The following TAOK1 variants were observed in gnomAD, a reference collection of about 807,000 sequenced individuals.
The protein encoded by TAOK1 is serine/threonine-protein kinase TAO1.
Under a neutral mutation model 138.3 loss-of-function variants are expected in TAOK1, and 21 were observed. The observed-to-expected ratio is 0.15, with a 90% CI of 0.11 to 0.22. TAOK1 has a LOEUF of 0.22. TAOK1 is among the 10% of genes least tolerant of loss of function. TAOK1 has a pLI of 1.00. For synonymous variants in TAOK1, 361 were observed against 398.4 expected, an observed-to-expected ratio of 0.91 and a Z score of 1.12; for missense variants, 651 against 1,227.7, an observed-to-expected ratio of 0.53 and a Z score of 7.02.
intron 1 of TAOK1, among the ~76,000 whole-genome samples, chr17:29,413,906 A>C (rs1437535426): frequency 3.1e-5 from 3 of 97,320 alleles, no homozygotes; most frequent in Non-Finnish European, 5.6e-5. Context: ...TTTTTTTGAG[A>C]TGGAGTTGCT....
At chr17:29,510,337 A>G (rs2031699384) in intron 14 of TAOK1, among the ~76,000 whole-genome samples, 1 of 152,202 alleles carries the variant, frequency 6.6e-6, no homozygotes, top group Admixed American at 6.5e-5. Context: ...AGCTCGTGCC[A>G]CTGCACTGCA....
chr17:29,488,658 A>G (rs1213625781), intron 8 of TAOK1, among the ~76,000 whole-genome samples: 2 of 151,546 alleles, frequency 1.3e-5, no homozygotes, highest in African/African-American at 4.8e-5. Flanking sequence ...AAATATTTTC[A>G]GTCTATGGTT....
chr17:29,444,317 T>C (rs193005669), intron 1 of TAOK1, among the ~76,000 whole-genome samples: 2 of 152,354 alleles, frequency 1.3e-5, no homozygotes, highest in East Asian at 3.9e-4. Context: ...TTAGTTTACA[T>C]TGACAGCTCT....
At chr17:29,518,760 T>C (rs7209300) in intron 16 of TAOK1, among the ~76,000 whole-genome samples, 33,496 of 134,600 alleles carry the variant, frequency 0.25, 4,421 homozygotes, top group East Asian at 0.69. Context: ...CTTTATCTAT[T>C]TATTTATTTA....
chr17:29,544,659 G>T lies in TAOK1; in HGVS notation c.*1637G>T, dbSNP rs959922178. ...GTTTTCCATTTCTTGTATATAAATT[G>T]TGTTGGAGGTGGGTAGGAAGCTGTG... On this transcript the variant is annotated 3_prime_UTR_variant, in exon 20 of 20. Transcript: ENST00000261716. 5 of 152,200 alleles carry T rather than the reference G, an allele frequency of 3.3e-5. No individual in the cohort carries two copies. The highest frequency in any genetic ancestry group is 9.7e-5 in the African/African-American group (4 of 41,450). 9.4% of individuals were successfully genotyped at this position (152,200 alleles called of 1,614,324 possible).
intron 10 of TAOK1, among the ~76,000 whole-genome samples, chr17:29,494,778 A>G (rs138559215): frequency 0.015 from 2,295 of 149,524 alleles, 57 homozygotes; most frequent in African/African-American, 0.052. Context: ...GTGAGCCGCA[A>G]TCGCGCCACT....
chr17:29,421,454 T>C (rs1905443095), intron 1 of TAOK1, among the ~76,000 whole-genome samples: 1 of 152,212 alleles, frequency 6.6e-6, no homozygotes, highest in Admixed American at 6.5e-5. Context: ...AGTTGATAAA[T>C]GTTTATATGC....
At chr17:29,398,603 A>C (rs113051428) in intron 1 of TAOK1, among the ~76,000 whole-genome samples, 2 of 143,168 alleles carry the variant, frequency 1.4e-5, no homozygotes, top group East Asian at 2.1e-4. Flanking sequence ...GATCTCGGCT[A>C]ACTGCAACCT....
chr17:29,447,985 T>TA (rs2030136708), intron 1 of TAOK1, among the ~76,000 whole-genome samples: 1 of 144,368 alleles, frequency 6.9e-6, no homozygotes, highest in Admixed American at 7.0e-5. Flanking sequence ...TTTTAATTCT[T>TA]ACAGATGTAC....
intron 1 of TAOK1, among the ~76,000 whole-genome samples, chr17:29,397,787 A>G (rs978365913): frequency 1.3e-5 from 2 of 148,630 alleles, no homozygotes; most frequent in African/African-American, 2.5e-5. Flanking sequence ...ATTCGTGTGT[A>G]TATATGTATA....
intron 1 of TAOK1, among the ~76,000 whole-genome samples, chr17:29,435,096 A>G (rs937523237): frequency 4.6e-5 from 7 of 151,706 alleles, no homozygotes; most frequent in Admixed American, 2.6e-4. Flanking sequence ...TGGGCATCCT[A>G]TGTATTCCCA....
At chr17:29,504,860 C>A (rs1456356080) in intron 13 of TAOK1, among the ~76,000 whole-genome samples, 1 of 152,116 alleles carries the variant, frequency 6.6e-6, no homozygotes, top group African/African-American at 2.4e-5. Context: ...TATTCTGCAA[C>A]ATGTAAATAA....
chr17:29,542,429 A>G (rs2032333162), intron 19 of TAOK1, 132 bp from the exon 20 acceptor site: 1 of 731,766 alleles, frequency 1.4e-6, no homozygotes, highest in Non-Finnish European at 2.0e-6. Flanking sequence ...AAAAGTTTAA[A>G]TAAAATTTGA....
At chr17:29,507,815 G>A in intron 13 of TAOK1, 81 bp from the exon 14 acceptor site, 1 of 1,250,830 alleles carries the variant, frequency 8.0e-7, no homozygotes, top group East Asian at 2.5e-5. Context: ...TCCCTACTTA[G>A]TTAATATAGA....
intron 2 of TAOK1, among the ~76,000 whole-genome samples, chr17:29,466,076 A>G (rs1477480121): frequency 1.3e-5 from 2 of 151,884 alleles, no homozygotes; most frequent in African/African-American, 2.4e-5. Flanking sequence ...GAGTTTATAT[A>G]TATTTTTCCC....
chr17:29,477,314 A>C (rs1305918075), intron 4 of TAOK1, among the ~76,000 whole-genome samples: 1 of 152,032 alleles, frequency 6.6e-6, no homozygotes, highest in East Asian at 1.9e-4. Context: ...GGAATAGTAC[A>C]TTTTTAAGAA....
intron 19 of TAOK1, among the ~76,000 whole-genome samples, chr17:29,540,303 C>T (rs1431763243): frequency 1.3e-5 from 2 of 152,170 alleles, no homozygotes; most frequent in Admixed American, 6.5e-5. Context: ...CTTATTTGCT[C>T]CACTTTTCCT....
At chr17:29,397,606 C>CG (rs1343573746) in intron 1 of TAOK1, among the ~76,000 whole-genome samples, 2 of 41,940 alleles carry the variant, frequency 4.8e-5, no homozygotes, top group African/African-American at 2.9e-4. Context: ...CCGTCCCCCC[C>CG]CAAAAAAATA....
At chr17:29,420,380 A>C (rs2153021701) in intron 1 of TAOK1, among the ~76,000 whole-genome samples, 1 of 152,110 alleles carries the variant, frequency 6.6e-6, no homozygotes, top group East Asian at 1.9e-4. Flanking sequence ...ACCTTGATAA[A>C]TTCACTTATT....
Sources: gnomAD v4.1 joint callset for allele counts (sites outside exome capture counted in the v4.1 genomes callset) on GRCh38, gnomAD v4.1.1 for gene constraint, MANE v1.5 for transcripts, NCBI Gene and HGNC (gene_info 2026-07-23, HGNC 2026-07-21) for gene names.